Variants in ASL observed in about 807,000 individuals in gnomAD.
ASL encodes argininosuccinase.
Under a neutral mutation model 69.1 loss-of-function variants are expected in ASL, and 51 were observed. The observed-to-expected ratio is 0.74, with a 90% CI of 0.59 to 0.93. ASL has a LOEUF of 0.93. Among genes scored for constraint, ASL ranks in the 40% least tolerant of loss-of-function variants. The pLI is 0.00. For synonymous variants in ASL, 241 were observed against 247.6 expected, an observed-to-expected ratio of 0.97 and a Z score of 0.25; for missense variants, 540 against 623.9, an observed-to-expected ratio of 0.87 and a Z score of 1.43.
intron 2 of ASL, among the ~76,000 whole-genome samples, chr7:66,077,437 TAAAA>T (rs1017274602): frequency 6.7e-6 from 1 of 148,838 alleles, no homozygotes; most frequent in Non-Finnish European, 1.5e-5. Context: ...AAAATAAAAA[TAAAA>T]AAACCTGGCA....
intron 2 of ASL, among the ~76,000 whole-genome samples, chr7:66,080,584 G>A (rs911523828): frequency 6.6e-6 from 1 of 151,558 alleles, no homozygotes; most frequent in Middle Eastern, 3.4e-3. Flanking sequence ...TCAGCCAGGT[G>A]TGGTGGCACA....
intron 2 of ASL, among the ~76,000 whole-genome samples, 178 bp from the exon 3 acceptor site, chr7:66,081,624 TC>T (rs1786505706): frequency 6.6e-6 from 1 of 151,918 alleles, no homozygotes; most frequent in African/African-American, 2.4e-5. Context: ...TCAGCCATGT[TC>T]CCATGCTCAC....
intron 8 of ASL, 71 bp downstream of exon 8, chr7:66,086,892 C>T (rs772643200): frequency 1.3e-6 from 2 of 1,505,102 alleles, no homozygotes; most frequent in South Asian, 1.2e-5. Context: ...ATTGACAGAG[C>T]TGGGAAGTGC....
intron 14 of ASL, 74 bp from the exon 15 acceptor site, chr7:66,091,932 G>A: frequency 6.7e-7 from 1 of 1,503,400 alleles, no homozygotes; most frequent in South Asian, 1.1e-5. Flanking sequence ...CCTGGCAGAG[G>A]GGCAGGTCCT....
At chr7:66,089,224 G>C (rs764859231) in intron 12 of ASL, 49 bp downstream of exon 12, 1 of 1,611,754 alleles carries the variant, frequency 6.2e-7, no homozygotes, top group African/African-American at 1.3e-5. Context: ...ATGGTGGGTG[G>C]CCAGGGGGGC....
intron 10 of ASL, among the ~76,000 whole-genome samples, chr7:66,088,473 C>T (rs923159085): frequency 4.6e-5 from 7 of 152,138 alleles, no homozygotes; most frequent in Middle Eastern, 3.2e-3. Context: ...GGGAGCGAGA[C>T]TCCATCTCAA....
intron 2 of ASL, 91 bp downstream of exon 2, chr7:66,076,184 C>A: frequency 6.6e-7 from 1 of 1,508,674 alleles, no homozygotes; most frequent in South Asian, 1.2e-5. Context: ...TGCTGGGAAT[C>A]GCCCTCCAGG....
chr7:66,080,950 T>C (rs1477603588), intron 2 of ASL, among the ~76,000 whole-genome samples: 3 of 152,128 alleles, frequency 2.0e-5, no homozygotes, highest in Non-Finnish European at 4.4e-5. Flanking sequence ...TCAAGGCCTC[T>C]TTGCCTGTCC....
At chr7:66,091,307 C>A (rs995725317) in intron 14 of ASL, among the ~76,000 whole-genome samples, 6 of 152,110 alleles carry the variant, frequency 3.9e-5, no homozygotes, top group Admixed American at 3.3e-4. Context: ...CTTGTAATCC[C>A]AGCACTTTGA....
chr7:66,084,958 A>G (rs760666023), intron 6 of ASL, among the ~76,000 whole-genome samples: 2 of 151,700 alleles, frequency 1.3e-5, no homozygotes, highest in African/African-American at 2.4e-5. Context: ...GGGTCTCACT[A>G]TGTGGCTCAG....
At chr7:66,084,852 C>T (rs996260877) in intron 6 of ASL, among the ~76,000 whole-genome samples, 2 of 152,156 alleles carry the variant, frequency 1.3e-5, no homozygotes, top group African/African-American at 4.8e-5. Flanking sequence ...ATCTCCCGAC[C>T]TCATGATCCA....
chr7:66,075,929 G>A, intron 1 of ASL, 73 bp downstream of exon 1: 1 of 989,084 alleles, frequency 1.0e-6, no homozygotes, highest in South Asian at 1.5e-5. Flanking sequence ...GCTCACGTCC[G>A]CGTCCCCAAG....
intron 10 of ASL, among the ~76,000 whole-genome samples, chr7:66,088,110 A>G (rs572748247): frequency 5.9e-4 from 90 of 152,126 alleles, no homozygotes; most frequent in African/African-American, 2.1e-3. Flanking sequence ...GGCTGCAGTG[A>G]GCCAAGATCA....
chr7:66,081,080 G>A (rs1325963185), intron 2 of ASL, among the ~76,000 whole-genome samples: 1 of 152,206 alleles, frequency 6.6e-6, no homozygotes, highest in Non-Finnish European at 1.5e-5. Context: ...CACCCCAGGT[G>A]AGAGCAGGCT....
At chr7:66,082,479 C>T in intron 4 of ASL, 28 bp downstream of exon 4, 8 of 1,597,330 alleles carry the variant, frequency 5.0e-6, no homozygotes, top group Admixed American at 1.8e-5. Flanking sequence ...CCACCGCTTT[C>T]CTTGCCTCCC....
At chr7:66,083,609 G>C (rs1462297729) in intron 6 of ASL, among the ~76,000 whole-genome samples, 12 of 151,882 alleles carry the variant, frequency 7.9e-5, no homozygotes. Context: ...GCTTGAACCC[G>C]GGAGGAGGAG....
chr7:66,087,490 G>A lies in ASL; in HGVS notation c.655+104G>A, dbSNP rs1439881025. ...AGGGCAGGGGCCTGTGGCTCCTGGTGAAACCTTCATTCATTGCCTATGGGC... is the reference window on the plus strand; with the variant it reads ...AGGGCAGGGGCCTGTGGCTCCTGGTAAAACCTTCATTCATTGCCTATGGGC... On this transcript the variant is annotated intron_variant, in intron 9 of 16. Coordinates refer to ENST00000304874, the MANE Select transcript of ASL (RefSeq NM_000048.4). 1.0e-5 allele frequency: 14 copies of A among 1,402,382 alleles called. No individual in the cohort carries two copies. The East Asian group carries it at 3.4e-4, about 34-fold the overall frequency. 86.9% of individuals were successfully genotyped at this position (1,402,382 alleles called of 1,614,324 possible). A position where few individuals can be genotyped will look rare whatever the true frequency, so the allele number is the denominator to read the frequency against.
In ASL at chr7:66,081,845, C is replaced by T. The variant is rs1430258474; in HGVS notation, c.55C>T (p.Pro19Ser). Residue 19 changes from proline to serine, a missense_variant, in exon 3 of 17, where the codon CCC becomes TCC. Pro to Ser is a moderately conservative substitution (Grantham distance 74). Transcript: ENST00000304874. ...TGGCCGGTTTGTGGGTGCAGTGGACCCCATCATGGAGAAGTTCAACGCGTC... is the reference window on the plus strand; with the variant it reads ...TGGCCGGTTTGTGGGTGCAGTGGACTCCATCATGGAGAAGTTCAACGCGTC... ...WGGRFVGAVD[P>S]IMEKFNASIA... The T allele has an allele frequency of 1.2e-6, 2 of 1,613,780 alleles. No homozygotes were observed. The highest frequency in any genetic ancestry group is 1.7e-6 in the Non-Finnish European group (2 of 1,180,032).
intron 14 of ASL, 92 bp downstream of exon 14, chr7:66,089,787 G>A: frequency 4.3e-6 from 6 of 1,404,414 alleles, no homozygotes; most frequent in Middle Eastern, 1.8e-4. Flanking sequence ...GGTGAGGTGG[G>A]GCTGGAGGAC....
Sources: allele counts gnomAD v4.1 joint callset (sites outside exome capture counted in the v4.1 genomes callset), GRCh38; gene constraint gnomAD v4.1.1; transcripts MANE v1.5; gene names NCBI Gene and HGNC (gene_info 2026-07-23, HGNC 2026-07-21).